Variants in PAXIP1 observed in about 807,000 individuals in gnomAD.
PAXIP1 encodes PAX interacting protein 1.
A neutral mutation model predicts 140.6 loss-of-function variants in PAXIP1; 19 were observed. The observed-to-expected ratio is 0.14, with a 90% CI of 0.09 to 0.20. PAXIP1 has a LOEUF of 0.20. Ranked by LOEUF, PAXIP1 falls within the 10% of genes least tolerant of loss-of-function variation. The probability of loss-of-function intolerance (pLI) is 1.00; values close to 1 mark genes in which losing one functional copy is unlikely to be tolerated. For missense variants in PAXIP1, 920 were observed against 1,208.6 expected (o/e 0.76, Z 3.54); for synonymous variants, 442 against 444.6 (o/e 0.99, Z 0.07).
At chr7:154,969,191 T>TA in intron 6 of PAXIP1, 65 bp from the exon 7 acceptor site, 1 of 1,416,952 alleles carries the variant, frequency 7.1e-7, no homozygotes, top group Non-Finnish European at 9.2e-7. Context: ...GATAATTTCT[T>TA]AGTCAAGAGA....
chr7:154,961,388 T>C, intron 11 of PAXIP1, 139 bp downstream of exon 11: 1 of 667,270 alleles, frequency 1.5e-6, no homozygotes, highest in Non-Finnish European at 2.4e-6. Context: ...TACTATATCA[T>C]TGTCATACTT....
At chr7:154,953,424 G>C (rs1487051467) in intron 16 of PAXIP1, among the ~76,000 whole-genome samples, 1 of 152,114 alleles carries the variant, frequency 6.6e-6, no homozygotes, top group African/African-American at 2.4e-5. Flanking sequence ...AGTGTGGTTG[G>C]GGCAGAAAGA....
rs774880571 is a variant in PAXIP1 at position 154,963,168 on chromosome 7, G to A, written c.1989+503C>T. On this transcript the variant is annotated intron_variant, in intron 9 of 20. Coordinates refer to ENST00000404141, the MANE Select transcript of PAXIP1 (RefSeq NM_007349.4). This position sits in a 1 kb window ranked among gnomAD's most constrained non-coding sequence, Gnocchi z 4.1. ...GGAATGGTGACTGCAGGGAGTGTCC[G>A]CCCTTTCTTTCTTTTATTTTTTTTT... is the stretch of plus-strand genomic sequence containing the variant. Among the ~76,000 whole-genome samples the A allele has an allele frequency of 1.3e-5, 2 of 151,950 alleles. No individual in the cohort carries two copies. The highest frequency in any genetic ancestry group is 2.9e-5 in the Non-Finnish European group (2 of 67,992).
chr7:154,995,722 C>T (rs960544975), intron 2 of PAXIP1, among the ~76,000 whole-genome samples: 5 of 152,048 alleles, frequency 3.3e-5, no homozygotes, highest in South Asian at 2.1e-4. Context: ...TGGTGGCACA[C>T]GCCTGTAGTC....
At chr7:154,945,009 CAG>C (rs1163520911) in intron 20 of PAXIP1, 2 of 131,716 alleles carry the variant, frequency 1.5e-5, no homozygotes, top group South Asian at 2.4e-4. Flanking sequence ...TTTTTAAAGA[CAG>C]AGTTTCGCTC....
chr7:155,001,602 A>C (rs1585094962), intron 1 of PAXIP1: 1 of 151,884 alleles, frequency 6.6e-6, no homozygotes, highest in East Asian at 1.9e-4. Context: ...GGTTCCAGCA[A>C]TTCTCCTGCC....
rs1404352469 is a variant in PAXIP1 at position 154,946,304 on chromosome 7, C to T, written c.3194+61G>A. ...AACAGGAAAGGTACTGCCTTATTAA[C>T]CTGGGAAATCCATTTCATATCTAAC... On this transcript the variant is annotated intron_variant, in intron 20 of 20. Coordinates refer to ENST00000404141, the MANE Select transcript of PAXIP1 (RefSeq NM_007349.4). This position sits in a 1 kb window ranked among gnomAD's most constrained non-coding sequence, Gnocchi z 4.9. The T allele has an allele frequency of 1.2e-6, 2 of 1,611,584 alleles. No individual in the cohort carries two copies. Among genetic ancestry groups the T allele is most frequent in the African/African-American group, 2.7e-5 (2 of 74,830 alleles).
intron 5 of PAXIP1, among the ~76,000 whole-genome samples, chr7:154,980,373 G>A (rs1396443816): frequency 6.7e-6 from 1 of 150,010 alleles, no homozygotes; most frequent in Non-Finnish European, 1.5e-5. Flanking sequence ...ATTGATGACT[G>A]TAATATATAA....
At chr7:154,991,610 A>G (rs2150782509) in intron 3 of PAXIP1, among the ~76,000 whole-genome samples, 1 of 152,304 alleles carries the variant, frequency 6.6e-6, no homozygotes, top group Middle Eastern at 3.4e-3. Flanking sequence ...TTTAAAACAA[A>G]AGTTGGAATA....
intron 4 of PAXIP1, among the ~76,000 whole-genome samples, chr7:154,987,172 A>G (rs1007298933): frequency 2.0e-5 from 3 of 152,180 alleles, no homozygotes; most frequent in African/African-American, 7.2e-5. Context: ...AGAATCCAAG[A>G]TCTACTTAGA....
chr7:154,963,589 A>T lies in PAXIP1; in HGVS notation c.1989+82T>A, dbSNP rs1337198209. The T allele has an allele frequency of 1.1e-6, 1 of 948,166 alleles. No individual in the cohort carries two copies. The highest frequency in any genetic ancestry group is 1.6e-6 in the Non-Finnish European group (1 of 611,154). The allele number at this position is 948,166 out of a possible 1,614,324, so 58.7% of individuals were successfully genotyped here. ...GAGGTAGAAAAAAGTTCTTTCCAAA[A>T]ATAATAATCACTAGCATTTAAGATT... On this transcript the variant is annotated intron_variant, in intron 9 of 20. Coordinates refer to ENST00000404141, the MANE Select transcript of PAXIP1 (RefSeq NM_007349.4). This position sits in a 1 kb window ranked among gnomAD's most constrained non-coding sequence, Gnocchi z 4.1.
chr7:155,003,257 C>CG (rs1811024273), upstream of PAXIP1, among the ~76,000 whole-genome samples: 1 of 151,482 alleles, frequency 6.6e-6, no homozygotes, highest in African/African-American at 2.4e-5. Flanking sequence ...TAGCTGGCGC[C>CG]GGCAGCCCGC....
chr7:155,000,277 TGGCCATG>T (rs1442135782), intron 1 of PAXIP1: 1 of 152,268 alleles, frequency 6.6e-6, no homozygotes, highest in African/African-American at 2.4e-5. Context: ...CAGCGGTCAC[TGGCCATG>T]GGCCACTTTA....
intron 16 of PAXIP1, chr7:154,949,753 AT>A (rs1446349608): frequency 6.6e-6 from 1 of 152,050 alleles, no homozygotes; most frequent in Non-Finnish European, 1.5e-5. Context: ...ATACAAAAAA[AT>A]TTAGCCAGGC....
chr7:154,947,617 A>G, intron 17 of PAXIP1: 1 of 324,464 alleles, frequency 3.1e-6, no homozygotes, highest in Non-Finnish European at 5.7e-6. Context: ...CAATTACTCA[A>G]AAACCTATTC....
At chr7:154,976,366 C>A in intron 5 of PAXIP1, 35 bp from the exon 6 acceptor site, 1 of 1,521,352 alleles carries the variant, frequency 6.6e-7, no homozygotes. Context: ...CAAAACAAAG[C>A]TGTAAATTTT....
intron 4 of PAXIP1, among the ~76,000 whole-genome samples, chr7:154,983,981 C>T (rs745935343): frequency 3.9e-5 from 6 of 152,154 alleles, no homozygotes; most frequent in African/African-American, 7.2e-5. Context: ...ATAGAAACAG[C>T]TACCATTTAT....
intron 14 of PAXIP1, 82 bp from the exon 15 acceptor site, chr7:154,955,713 A>G: frequency 1.3e-6 from 1 of 754,280 alleles, no homozygotes; most frequent in Non-Finnish European, 2.1e-6. Context: ...AAGGGATTTC[A>G]TTAGTTTAAC....
intron 3 of PAXIP1, among the ~76,000 whole-genome samples, chr7:154,993,523 T>C (rs1810441110): frequency 6.6e-6 from 1 of 152,178 alleles, no homozygotes. Context: ...TTGTCACAGC[T>C]GAGCCCCCTT....
Sources: gnomAD v4.1 joint callset for allele counts (sites outside exome capture counted in the v4.1 genomes callset) on GRCh38, gnomAD v4.1.1 for gene constraint, Gnocchi (gnomAD v3.1) non-coding constraint, MANE v1.5 for transcripts, NCBI Gene and HGNC (gene_info 2026-07-23, HGNC 2026-07-21) for gene names.